The following AKAP13 variants were observed in gnomAD, a reference collection of about 807,000 sequenced individuals.
AKAP13 encodes A-kinase anchoring protein 13.
A neutral mutation model predicts 264.5 loss-of-function variants in AKAP13; 80 were observed. The ratio of observed to expected loss-of-function variants is 0.30; its 90% CI spans 0.25 to 0.36. The LOEUF (loss-of-function observed/expected upper bound fraction) is 0.36. Among genes scored for constraint, AKAP13 ranks in the 10% least tolerant of loss-of-function variants. The pLI is 1.00. For synonymous variants in AKAP13, 1,380 were observed against 1,250.2 expected, an observed-to-expected ratio of 1.10 and a Z score of -2.19; for missense variants, 3,712 against 3,435.2, an observed-to-expected ratio of 1.08 and a Z score of -2.01.
intron 1 of AKAP13, among the ~76,000 whole-genome samples, chr15:85,437,847 C>A (rs894313828): frequency 6.6e-6 from 1 of 151,796 alleles, no homozygotes; most frequent in African/African-American, 2.4e-5. Context: ...ATGACAGACC[C>A]ACAGCCAATA....
chr15:85,447,602 C>G (rs1217151073), intron 1 of AKAP13, among the ~76,000 whole-genome samples: 1 of 151,916 alleles, frequency 6.6e-6, no homozygotes, highest in Non-Finnish European at 1.5e-5. Flanking sequence ...CTTCCACTTA[C>G]AAGTGAGAAC....
At chr15:85,729,965 C>CAA (rs368432438) in intron 29 of AKAP13, among the ~76,000 whole-genome samples, 2 of 145,054 alleles carry the variant, frequency 1.4e-5, no homozygotes, top group South Asian at 2.2e-4. Context: ...AAAACAAAAA[C>CAA]AAAAAAAAAA....
chr15:85,525,058 ATTTTT>A (rs11419433), intron 3 of AKAP13, among the ~76,000 whole-genome samples: 1 of 129,494 alleles, frequency 7.7e-6, no homozygotes, highest in Non-Finnish European at 1.6e-5. Flanking sequence ...CTATCTTTAA[ATTTTT>A]TTTTTTTTTT....
Position 85,741,448 on chromosome 15 carries a change from G to A in AKAP13, c.8011G>A (p.Glu2671Lys). The change falls in exon 35 of 37, where the codon GAG (glutamate) becomes AAG (lysine). Residue 2671 changes from glutamate (E) to lysine (K), a missense_variant. Physicochemically the swap from Glu to Lys is moderately conservative, Grantham distance 56. Transcript: ENST00000394518. The stretch of plus-strand genomic sequence containing the variant: ...GAGGGAACAGGAGCAGCTGCGCCGG[G>A]AGGCAGAGCGGCTCAGCCAGCGGCA... ...LEREQEQLRR[E>K]AERLSQRQTE... is the part of the protein sequence containing the mutation. 1 of 1,607,686 alleles carries A rather than the reference G, an allele frequency of 6.2e-7. No individual in the cohort carries two copies. The highest frequency in any genetic ancestry group is 8.5e-7 in the Non-Finnish European group (1 of 1,175,258).
chr15:85,489,774 T>A (rs543219716), intron 2 of AKAP13, among the ~76,000 whole-genome samples: 1 of 152,336 alleles, frequency 6.6e-6, no homozygotes, highest in Admixed American at 6.5e-5. Context: ...CCAGAATACG[T>A]TGCAATAGTT....
intron 8 of AKAP13, among the ~76,000 whole-genome samples, chr15:85,616,259 G>GA (rs1252999100): frequency 6.6e-6 from 1 of 152,164 alleles, no homozygotes; most frequent in Non-Finnish European, 1.5e-5. Flanking sequence ...TGCCCTAACT[G>GA]GAACTAAAGC....
intron 4 of AKAP13, among the ~76,000 whole-genome samples, chr15:85,542,433 T>C (rs554852581): frequency 9.9e-5 from 15 of 152,228 alleles, no homozygotes; most frequent in Non-Finnish European, 2.2e-4. Context: ...TAATTCAGTG[T>C]AAAATCACAG....
chr15:85,711,353 T>G (rs1292800655), intron 19 of AKAP13, among the ~76,000 whole-genome samples: 1 of 152,216 alleles, frequency 6.6e-6, no homozygotes, highest in Non-Finnish European at 1.5e-5. Flanking sequence ...TTTTCCCTTT[T>G]CACTCCCCAT....
At chr15:85,734,408 A>G (rs574928586) in intron 30 of AKAP13, among the ~76,000 whole-genome samples, 54 of 152,160 alleles carry the variant, frequency 3.5e-4, no homozygotes, top group Non-Finnish European at 5.1e-4. Context: ...GGCTTGTCTT[A>G]TCAGATTTCC....
At chr15:85,488,717 G>A (rs2075639995) in intron 2 of AKAP13, among the ~76,000 whole-genome samples, 1 of 152,188 alleles carries the variant, frequency 6.6e-6, no homozygotes, top group African/African-American at 2.4e-5. Context: ...GAGCCCATGA[G>A]CTACGGAATG....
intron 2 of AKAP13, among the ~76,000 whole-genome samples, chr15:85,509,443 A>G (rs989281497): frequency 2.0e-5 from 3 of 152,220 alleles, no homozygotes; most frequent in African/African-American, 7.2e-5. Flanking sequence ...CTAAAGGACC[A>G]ACAGAACAGG....
At chr15:85,442,083 A>G (rs1030103029) in intron 1 of AKAP13, among the ~76,000 whole-genome samples, 1 of 152,112 alleles carries the variant, frequency 6.6e-6, no homozygotes, top group Non-Finnish European at 1.5e-5. Context: ...GGGTAAGCCT[A>G]GGATAGTACA....
At chr15:85,492,405 T>G (rs1300825094) in intron 2 of AKAP13, among the ~76,000 whole-genome samples, 1 of 152,188 alleles carries the variant, frequency 6.6e-6, no homozygotes, top group Non-Finnish European at 1.5e-5. Context: ...AAACTTTAAA[T>G]GTACAGAGAA....
chr15:85,612,367 T>C (rs917155907), intron 8 of AKAP13, among the ~76,000 whole-genome samples: 1 of 152,356 alleles, frequency 6.6e-6, no homozygotes, highest in Non-Finnish European at 1.5e-5. Context: ...ATAAATACTT[T>C]TCAAGATCTA....
intron 3 of AKAP13, among the ~76,000 whole-genome samples, chr15:85,532,263 A>G (rs1417533012): frequency 1.3e-5 from 2 of 152,230 alleles, no homozygotes; most frequent in Non-Finnish European, 2.9e-5. Context: ...CATGTGGAAA[A>G]TTAACTTACT....
intron 1 of AKAP13, among the ~76,000 whole-genome samples, chr15:85,467,133 A>G (rs2074772347): frequency 6.6e-6 from 1 of 152,054 alleles, no homozygotes; most frequent in Non-Finnish European, 1.5e-5. Flanking sequence ...GTATTAGTGC[A>G]CACCAACAAT....
chr15:85,648,068 G>A lies in AKAP13; in HGVS notation c.4374+2114G>A, dbSNP rs1231246393. 2.0e-5 allele frequency among the ~76,000 whole-genome samples: 3 copies of A among 151,656 alleles called. No individual in the cohort carries two copies. In the South Asian group the frequency reaches 6.2e-4, roughly 31 times the overall value. On this transcript the variant is annotated intron_variant, in intron 10 of 36. Transcript: ENST00000394518. ...TCAGAATTTAGGTAATTTCCACTGCGACTTTCGAGGTTTTAATTGTAAGGA... is the reference window on the plus strand; with the variant it reads ...TCAGAATTTAGGTAATTTCCACTGCAACTTTCGAGGTTTTAATTGTAAGGA...
Position 85,566,039 on chromosome 15 carries a change from A to G in AKAP13, c.663-9092A>G, listed in dbSNP as rs566652608. ...TGCATGGTAACATTGGTGCATGGTA[A>G]CATTAAGTTAGAGCATACTGTGAAG... is the stretch of plus-strand genomic sequence containing the variant. On this transcript the variant is annotated intron_variant, in intron 5 of 36. Transcript: ENST00000394518. Among the ~76,000 whole-genome samples the G allele has an allele frequency of 3.9e-5, 6 of 152,330 alleles. No homozygotes were observed. In the East Asian group the frequency reaches 1.2e-3, roughly 29 times the overall value.
intron 1 of AKAP13, among the ~76,000 whole-genome samples, chr15:85,413,924 C>G (rs138956430): frequency 5.2e-4 from 79 of 152,242 alleles, no homozygotes; most frequent in African/African-American, 1.8e-3. Flanking sequence ...TTATACTCCT[C>G]TATTAAAGAA....
Sources: allele counts gnomAD v4.1 joint callset (sites outside exome capture counted in the v4.1 genomes callset), GRCh38; gene constraint gnomAD v4.1.1; transcripts MANE v1.5; gene names NCBI Gene and HGNC (gene_info 2026-07-23, HGNC 2026-07-21).